The following PATJ variants were observed in gnomAD, a reference collection of about 807,000 sequenced individuals.
PATJ encodes inaD-like protein.
A neutral mutation model predicts 224.9 loss-of-function variants in PATJ; 190 were observed. The observed-to-expected ratio is 0.84, with a 90% CI of 0.75 to 0.95. The LOEUF (loss-of-function observed/expected upper bound fraction) is 0.95, where lower values mean the gene tolerates loss of function less well. Ranked by LOEUF, PATJ falls within the 40% of genes least tolerant of loss-of-function variation. The pLI is 0.00. For synonymous variants in PATJ, 769 were observed against 820.3 expected (o/e 0.94, Z 1.07); for missense variants, 2,121 against 2,270.3 (o/e 0.93, Z 1.34).
Position 62,106,182 on chromosome 1 carries a change from A to ATATATATATATATC in PATJ, c.4378-2250_4378-2249insATATATATCTATAT, listed in dbSNP as rs1410706437. Among the ~76,000 whole-genome samples, 58 of 108,072 alleles carry ATATATATATATATC rather than the reference A, an allele frequency of 5.4e-4. 1 individual carries two copies. Among genetic ancestry groups the ATATATATATATATC allele is most frequent in the African/African-American group, 1.8e-3 (53 of 29,600 alleles). The allele number at this position is 108,072 out of a possible 152,430, so 70.9% of individuals were successfully genotyped here. On this transcript the variant is annotated intron_variant, in intron 33 of 43. Coordinates refer to ENST00000642238, the MANE Select transcript of PATJ (RefSeq NM_001350145.3). ...TGTATATATATATATATATATATATATATATGGCTGGGCACAGCGGCTCAT... is the reference window on the plus strand; with the variant it reads ...TGTATATATATATATATATATATATATATATATATATATCTATATGGCTGGGCACAGCGGCTCAT...
intron 33 of PATJ, among the ~76,000 whole-genome samples, chr1:62,089,138 G>A (rs1052238212): frequency 2.6e-5 from 4 of 152,066 alleles, no homozygotes; most frequent in East Asian, 1.9e-4. Context: ...TCATCAGCAC[G>A]TCCAGCCTAG....
intron 14 of PATJ, among the ~76,000 whole-genome samples, chr1:61,822,350 A>G (rs777929238): frequency 1.4e-5 from 2 of 145,054 alleles, no homozygotes; most frequent in Non-Finnish European, 1.5e-5. Flanking sequence ...TGAACCCGGG[A>G]GGTGAAGGTT....
chr1:61,920,019 C>G (rs1409304858), intron 26 of PATJ, among the ~76,000 whole-genome samples: 1 of 152,054 alleles, frequency 6.6e-6, no homozygotes, highest in Non-Finnish European at 1.5e-5. Flanking sequence ...ATTTCTTATA[C>G]TTACTGATTT....
chr1:62,141,472 C>T (rs1471524564), intron 41 of PATJ, among the ~76,000 whole-genome samples: 1 of 151,896 alleles, frequency 6.6e-6, no homozygotes, highest in Non-Finnish European at 1.5e-5. Context: ...GCCAGGAGTT[C>T]AAGACCAGCC....
At chr1:61,929,648 G>A (rs11811508) in intron 27 of PATJ, among the ~76,000 whole-genome samples, 5,411 of 152,220 alleles carry the variant, frequency 0.036, 367 homozygotes, top group African/African-American at 0.12. Context: ...TAGAAATGGG[G>A]TTCAAACCCA....
chr1:62,151,594 AAAAT>A (rs945417631), intron 42 of PATJ, among the ~76,000 whole-genome samples: 21 of 152,214 alleles, frequency 1.4e-4, no homozygotes, highest in East Asian at 3.9e-4. Context: ...CCGTCTCAAA[AAAAT>A]AAATAAATAA....
At chr1:61,775,081 C>T in intron 6 of PATJ, 125 bp from the exon 7 acceptor site, 1 of 953,806 alleles carries the variant, frequency 1.0e-6, no homozygotes, top group Non-Finnish European at 1.6e-6. Context: ...TAGAACATTG[C>T]CTTGATTAAT....
intron 24 of PATJ, among the ~76,000 whole-genome samples, chr1:61,903,938 A>C (rs558923130): frequency 3.6e-4 from 55 of 151,974 alleles, no homozygotes; most frequent in South Asian, 8.3e-4. Context: ...ACGCCCGGCT[A>C]ATTTTTGAAT....
intron 11 of PATJ, among the ~76,000 whole-genome samples, chr1:61,799,612 T>C (rs1211869144): frequency 6.6e-6 from 1 of 152,204 alleles, no homozygotes; most frequent in African/African-American, 2.4e-5. Flanking sequence ...CATGGATATA[T>C]ATGCATAGTG....
intron 40 of PATJ, 50 bp downstream of exon 40, chr1:62,128,144 G>A: frequency 6.2e-7 from 1 of 1,610,752 alleles, no homozygotes; most frequent in East Asian, 2.2e-5. Context: ...TGGGGTGGGA[G>A]AGGAAGTTGC....
Position 62,078,425 on chromosome 1 carries a change from G to A in PATJ, c.4126-1025G>A, listed in dbSNP as rs1227954246. On this transcript the variant is annotated intron_variant, in intron 31 of 43. Coordinates refer to ENST00000642238, the MANE Select transcript of PATJ (RefSeq NM_001350145.3). ...AGCCTCCCAAGTAGCTGGGATTACAGGCATGCATCACCACGCCTGGCTAAT... is the reference window on the plus strand; with the variant it reads ...AGCCTCCCAAGTAGCTGGGATTACAAGCATGCATCACCACGCCTGGCTAAT... Among the ~76,000 whole-genome samples, 4 of 152,102 alleles carry A rather than the reference G, an allele frequency of 2.6e-5. No homozygotes were observed. In the East Asian group the frequency reaches 5.8e-4, roughly 22 times the overall value.
At position 62,071,619 on chromosome 1, in the gene PATJ, G is replaced by A. The variant is rs148386447; in HGVS notation, c.4126-7831G>A. 5.3e-3 allele frequency among the ~76,000 whole-genome samples: 791 copies of A among 150,380 alleles called. 5 individuals carry two copies. The highest frequency in any genetic ancestry group is 0.018 in the African/African-American group (727 of 40,804). ...AGCAATTCTTCTGCCTCAGACTCCC[G>A]AGTAACTGGGATTACAGGCACCCAG... is the stretch of plus-strand genomic sequence containing the variant. On this transcript the variant is annotated intron_variant, in intron 31 of 43. Coordinates refer to ENST00000642238, the MANE Select transcript of PATJ (RefSeq NM_001350145.3).
chr1:62,154,639 C>G (rs1343174247), intron 43 of PATJ, among the ~76,000 whole-genome samples: 2 of 99,404 alleles, frequency 2.0e-5, no homozygotes, highest in African/African-American at 8.4e-5. Flanking sequence ...CCAGCCTGGG[C>G]AATCCATCTC....
chr1:62,053,714 C>T (rs778332658), intron 31 of PATJ, among the ~76,000 whole-genome samples: 4 of 132,730 alleles, frequency 3.0e-5, no homozygotes, highest in Non-Finnish European at 3.5e-5. Context: ...AGCGAAATTC[C>T]GTCTAAAAAA....
At chr1:61,974,661 A>G (rs1644030456) in intron 27 of PATJ, among the ~76,000 whole-genome samples, 1 of 151,982 alleles carries the variant, frequency 6.6e-6, no homozygotes, top group Non-Finnish European at 1.5e-5. Context: ...CAAGGCAGGA[A>G]GCCTGTACTT....
intron 17 of PATJ, among the ~76,000 whole-genome samples, chr1:61,846,506 A>G (rs561105469): frequency 2.0e-5 from 3 of 152,362 alleles, no homozygotes; most frequent in African/African-American, 7.2e-5. Context: ...ATTTATAAAA[A>G]TTGTAAGGTA....
At chr1:61,822,256 C>T (rs1657420898) in intron 14 of PATJ, among the ~76,000 whole-genome samples, 1 of 151,796 alleles carries the variant, frequency 6.6e-6, no homozygotes, top group South Asian at 2.1e-4. Context: ...CTCGTCTCTA[C>T]TAAAAATACA....
intron 33 of PATJ, among the ~76,000 whole-genome samples, chr1:62,087,762 T>C (rs1238368848): frequency 2.0e-5 from 3 of 151,878 alleles, no homozygotes; most frequent in Admixed American, 6.6e-5. Flanking sequence ...CATTTTTCTC[T>C]GGAGTTCATG....
intron 11 of PATJ, among the ~76,000 whole-genome samples, chr1:61,798,925 T>G (rs1651898973): frequency 1.3e-5 from 2 of 151,742 alleles, no homozygotes; most frequent in Non-Finnish European, 2.9e-5. Flanking sequence ...AACTAGGGAG[T>G]AAGAAATACT....
Sources: gnomAD v4.1 joint callset for allele counts (sites outside exome capture counted in the v4.1 genomes callset) on GRCh38, gnomAD v4.1.1 for gene constraint, MANE v1.5 for transcripts, NCBI Gene and HGNC (gene_info 2026-07-23, HGNC 2026-07-21) for gene names.